Variants in TTC27 observed in about 807,000 individuals in gnomAD.
The protein encoded by TTC27 is tetratricopeptide repeat domain 27, also known as tetratricopeptide repeat protein 27.
Under a neutral mutation model 115.9 loss-of-function variants are expected in TTC27, and 79 were observed. That is an observed-to-expected ratio of 0.68 (90% CI 0.57 to 0.82). The LOEUF is 0.82. TTC27 is among the 40% of genes least tolerant of loss of function. TTC27 has a pLI of 0.00. For synonymous variants in TTC27, 401 were observed against 356.0 expected (o/e 1.13, Z -1.42); for missense variants, 1,054 against 993.1 (o/e 1.06, Z -0.82).
intron 5 of TTC27, among the ~76,000 whole-genome samples, chr2:32,657,886 A>T (rs1000443460): frequency 6.6e-6 from 1 of 151,628 alleles, no homozygotes. Flanking sequence ...CTGGAGTGCA[A>T]TGGCACTATC....
rs534830803 is a variant in TTC27 at position 32,669,004 on chromosome 2, G to A, written c.939+2236G>A. ...TGTGGCAGGAGAATGGCGTGAACCC[G>A]GGAGGCGGAGCTTGCAGTGAGCTGA... On this transcript the variant is annotated intron_variant, in intron 7 of 19. Transcript: ENST00000317907. 1.3e-3 allele frequency among the ~76,000 whole-genome samples: 197 copies of A among 152,198 alleles called. 1 individual carries two copies. The highest frequency in any genetic ancestry group is 2.3e-3 in the Non-Finnish European group (157 of 68,000).
intron 10 of TTC27, among the ~76,000 whole-genome samples, chr2:32,715,828 T>A (rs1667734375): frequency 6.6e-6 from 1 of 152,028 alleles, no homozygotes. Flanking sequence ...GGCTCGTACT[T>A]GTGTTTGAAT....
chr2:32,675,220 G>T (rs1666155687), intron 8 of TTC27, among the ~76,000 whole-genome samples: 1 of 152,176 alleles, frequency 6.6e-6, no homozygotes, highest in African/African-American at 2.4e-5. Context: ...CAATTAGGAT[G>T]TGAATCTAAG....
chr2:32,792,191 G>T (rs1281998033), intron 16 of TTC27, among the ~76,000 whole-genome samples: 1 of 152,216 alleles, frequency 6.6e-6, no homozygotes, highest in Non-Finnish European at 1.5e-5. Flanking sequence ...TTGGGGACAG[G>T]AGAAGATGGT....
chr2:32,780,634 T>C (rs998646443), intron 14 of TTC27, among the ~76,000 whole-genome samples: 4 of 152,040 alleles, frequency 2.6e-5, no homozygotes, highest in African/African-American at 9.7e-5. Context: ...GAGATGAGGT[T>C]TCTCCATGTT....
chr2:32,660,065 G>A (rs914903127), intron 5 of TTC27, among the ~76,000 whole-genome samples: 7 of 152,082 alleles, frequency 4.6e-5, no homozygotes, highest in Non-Finnish European at 1.0e-4. Flanking sequence ...GGTAATTCTG[G>A]TTCTAGATCC....
At position 32,628,140 on chromosome 2, in the gene TTC27, T is replaced by C; in HGVS notation, c.-153T>C. 2.9e-6 allele frequency: 2 copies of C among 690,648 alleles called. No individual in the cohort carries two copies. Among genetic ancestry groups the C allele is most frequent in the Non-Finnish European group, 4.9e-6 (2 of 405,342 alleles). The allele number at this position is 690,648 out of a possible 1,614,324, so 42.8% of individuals were successfully genotyped here. On this transcript the variant is annotated 5_prime_UTR_variant, in exon 1 of 20. Transcript: ENST00000317907. ...TTATGGCCGCCTCCTTGAGGTAGTA[T>C]CCGCACATGGAATTCTAGGGCCGCA...
At chr2:32,759,418 T>C (rs1669356997) in intron 13 of TTC27, among the ~76,000 whole-genome samples, 1 of 152,204 alleles carries the variant, frequency 6.6e-6, no homozygotes, top group Non-Finnish European at 1.5e-5. Context: ...TTTTCTTTAA[T>C]TGTGGTAAAA....
At chr2:32,707,112 G>A (rs1036236687) in intron 10 of TTC27, among the ~76,000 whole-genome samples, 2 of 152,188 alleles carry the variant, frequency 1.3e-5, no homozygotes, top group African/African-American at 4.8e-5. Context: ...TTTTGAAGGT[G>A]GCTGAGCCCT....
intron 13 of TTC27, among the ~76,000 whole-genome samples, chr2:32,776,135 A>G (rs1440414470): frequency 6.6e-6 from 1 of 152,088 alleles, no homozygotes; most frequent in African/African-American, 2.4e-5. Context: ...TTCAGTCATT[A>G]CCTGTCCCTC....
chr2:32,798,454 A>G (rs1210851903), intron 16 of TTC27, among the ~76,000 whole-genome samples: 1 of 151,204 alleles, frequency 6.6e-6, no homozygotes, highest in East Asian at 1.9e-4. Flanking sequence ...CTGTAATCCC[A>G]GAACTTTGGG....
chr2:32,649,525 C>T (rs933300321), intron 4 of TTC27, among the ~76,000 whole-genome samples: 23 of 151,426 alleles, frequency 1.5e-4, no homozygotes, highest in African/African-American at 5.3e-4. Flanking sequence ...TAGAGTGCCA[C>T]AGAGCAGGAT....
chr2:32,726,841 G>A (rs79012573), intron 10 of TTC27, among the ~76,000 whole-genome samples: 6 of 152,160 alleles, frequency 3.9e-5, no homozygotes, highest in South Asian at 2.1e-4. Flanking sequence ...ACAGTTTCAC[G>A]TGGCTGGGGA....
intron 10 of TTC27, among the ~76,000 whole-genome samples, chr2:32,723,733 T>C (rs1431419234): frequency 1.4e-5 from 1 of 69,118 alleles, no homozygotes; most frequent in Non-Finnish European, 2.6e-5. Flanking sequence ...CCTCCCTCCT[T>C]CCTTCCTTCC....
Position 32,723,694 on chromosome 2 carries a change from T to TCCTTCCTCCCTCCCTC in TTC27, c.1234-10131_1234-10130insTCCTCCCTCCCTCCCT, listed in dbSNP as rs1426698541. Among the ~76,000 whole-genome samples, 115 of 57,932 alleles carry TCCTTCCTCCCTCCCTC rather than the reference T, an allele frequency of 2.0e-3. 19 individuals carry two copies. The highest frequency in any genetic ancestry group is 3.8e-3 in the African/African-American group (42 of 11,190). 38.0% of individuals were successfully genotyped at this position (57,932 alleles called of 152,430 possible). On this transcript the variant is annotated intron_variant, in intron 10 of 19. Coordinates refer to ENST00000317907, the MANE Select transcript of TTC27 (RefSeq NM_017735.5). ...CTAATTATTGTTAGACTCAGCTCCT[T>TCCTTCCTCCCTCCCTC]CCTCCCTCCCTCCCTCCCTCCCTCC...
At chr2:32,679,073 A>G (rs916857601) in intron 9 of TTC27, 151 bp downstream of exon 9, 33 of 625,660 alleles carry the variant, frequency 5.3e-5, no homozygotes, top group Non-Finnish European at 8.0e-5. Context: ...TCTAAGTCAC[A>G]TGTATCTTGC....
chr2:32,789,998 C>A (rs1670479371), intron 16 of TTC27, among the ~76,000 whole-genome samples: 1 of 141,872 alleles, frequency 7.0e-6, no homozygotes, highest in African/African-American at 2.6e-5. Flanking sequence ...ACCCAAAATG[C>A]ATAGAGATGC....
chr2:32,726,250 T>C (rs1211983326), intron 10 of TTC27, among the ~76,000 whole-genome samples: 3 of 152,156 alleles, frequency 2.0e-5, no homozygotes, highest in Non-Finnish European at 2.9e-5. Flanking sequence ...CCTCAGAAAA[T>C]GGGATTTTCT....
chr2:32,805,277 TG>T (rs1000571610), intron 16 of TTC27, among the ~76,000 whole-genome samples: 1 of 152,196 alleles, frequency 6.6e-6, no homozygotes, highest in African/African-American at 2.4e-5. Context: ...ACAGAGCATG[TG>T]GCACATAGGA....
Sources: allele counts gnomAD v4.1 joint callset (sites outside exome capture counted in the v4.1 genomes callset), GRCh38; gene constraint gnomAD v4.1.1; transcripts MANE v1.5; gene names NCBI Gene and HGNC (gene_info 2026-07-23, HGNC 2026-07-21).